Variants in INTS1 observed in about 807,000 individuals in gnomAD.
INTS1 encodes integrator complex subunit 1.
A neutral mutation model predicts 241.6 loss-of-function variants in INTS1; 137 were observed. The ratio of observed to expected loss-of-function variants is 0.57; its 90% CI spans 0.49 to 0.65. The LOEUF is 0.65. Ranked by LOEUF, INTS1 falls within the 30% of genes least tolerant of loss-of-function variation. INTS1 has a pLI of 0.00. For synonymous variants in INTS1, 1,692 were observed against 1,337.8 expected (o/e 1.26, Z -5.78); for missense variants, 3,073 against 3,032.2 (o/e 1.01, Z -0.32).
rs770235410 is a variant in INTS1 at position 1,480,334 on chromosome 7, C to T, written c.4057G>A (p.Ala1353Thr). 1 of 1,608,984 alleles carries T rather than the reference C, an allele frequency of 6.2e-7. No homozygotes were observed. Among genetic ancestry groups the T allele is most frequent in the South Asian group, 1.1e-5 (1 of 90,768 alleles). Residue 1353 changes from alanine (A) to threonine (T), a missense_variant, in exon 30 of 48, where the codon GCT (alanine) becomes ACT (threonine). Coordinates refer to ENST00000404767, the MANE Select transcript of INTS1 (RefSeq NM_001080453.3). ...AACGCTACCTGGAGGAACATGCCAG[C>T]CAGGTCGTCCTCAGGGCCCAGCACC... Reference protein sequence around the residue: ...LRVLGPEDDLAGMFLQIFPLS... With the variant: ...LRVLGPEDDLTGMFLQIFPLS...
At chr7:1,483,627 G>T in intron 26 of INTS1, 115 bp downstream of exon 26, 1 of 785,694 alleles carries the variant, frequency 1.3e-6, no homozygotes, top group Non-Finnish European at 2.2e-6. Flanking sequence ...AGGGTTGAAG[G>T]GCTGGGGGGC....
chr7:1,476,968 G>T (rs1273582816), intron 35 of INTS1, 50 bp from the exon 36 acceptor site: 1 of 1,573,234 alleles, frequency 6.4e-7, no homozygotes, highest in Admixed American at 1.8e-5. Context: ...CCAATGGCAG[G>T]CTCTGCTGAA....
At chr7:1,488,611 G>C (rs76801170) in intron 18 of INTS1, among the ~76,000 whole-genome samples, 1 of 151,910 alleles carries the variant, frequency 6.6e-6, no homozygotes, top group Admixed American at 6.6e-5. Context: ...AAACGTACCC[G>C]ATCCCAACGC....
At chr7:1,495,334 C>A in intron 13 of INTS1, 99 bp downstream of exon 13, 1 of 1,416,112 alleles carries the variant, frequency 7.1e-7, no homozygotes, top group Non-Finnish European at 9.5e-7. Context: ...CCTGGCTTGT[C>A]CTGGCTCAGT....
intron 18 of INTS1, among the ~76,000 whole-genome samples, chr7:1,488,873 C>T (rs971047465): frequency 6.6e-6 from 1 of 152,228 alleles, no homozygotes; most frequent in African/African-American, 2.4e-5. Context: ...GTCCCACCTG[C>T]ACTGAACTGT....
chr7:1,502,041 C>T (rs1204826439), intron 3 of INTS1, among the ~76,000 whole-genome samples: 2 of 152,172 alleles, frequency 1.3e-5, no homozygotes, highest in Non-Finnish European at 2.9e-5. Flanking sequence ...GCTTGCACTG[C>T]AGCAGCCTGG....
chr7:1,492,694 G>A (rs1177850803), intron 16 of INTS1, among the ~76,000 whole-genome samples: 1 of 152,226 alleles, frequency 6.6e-6, no homozygotes, highest in East Asian at 1.9e-4. Context: ...GAGACACCGG[G>A]GAAGACAACG....
Position 1,497,237 on chromosome 7 carries a change from C to T in INTS1, c.1503G>A (p.Glu501=). The change falls in exon 11 of 48, where the codon GAG becomes GAA. Residue 501 remains glutamate (E), a synonymous_variant. Coordinates refer to ENST00000404767, the MANE Select transcript of INTS1 (RefSeq NM_001080453.3). This position sits in a 1 kb window ranked among gnomAD's most constrained non-coding sequence, Gnocchi z 5.3. ...YLRASRALLR[E]IIKQTKHEIN... Reference sequence around the variant, plus strand: ...TCTCGTGCTTGGTCTGCTTGATGATCTCCCGCAGCAGGGCCCGCGAGGCCC... The same window carrying T: ...TCTCGTGCTTGGTCTGCTTGATGATTTCCCGCAGCAGGGCCCGCGAGGCCC... The T allele has an allele frequency of 1.2e-6, 2 of 1,613,408 alleles. No individual in the cohort carries two copies. The highest frequency in any genetic ancestry group is 2.2e-5 in the East Asian group (1 of 44,754).
rs369783261 is a variant in INTS1 at position 1,499,420 on chromosome 7, C to G, written c.844+53G>C. On this transcript the variant is annotated intron_variant, in intron 6 of 47. Transcript: ENST00000404767. ...CCCACCCGCCCATCCTCCCACCCCT[C>G]CCCTGCCCTGGGGCTTGGACACCCG... is the stretch of plus-strand genomic sequence containing the variant. The G allele has an allele frequency of 3.9e-6, 6 of 1,553,890 alleles. No individual in the cohort carries two copies. In the African/African-American group the frequency reaches 8.2e-5, roughly 21 times the overall value.
At chr7:1,502,855 G>C in intron 3 of INTS1, 46 bp downstream of exon 3, 1 of 1,601,412 alleles carries the variant, frequency 6.2e-7, no homozygotes, top group Non-Finnish European at 8.5e-7. Flanking sequence ...CTGATGGACG[G>C]CATGAGCTGA....
At position 1,493,920 on chromosome 7, in the gene INTS1, T is replaced by G. The variant is rs2251231; in HGVS notation, c.1911-9A>C. Reference sequence around the variant, plus strand: ...ACAGACGCAGGAAGAAGCTGCGGGGTGGGGGAGGCATGACTCGGTGTGGGC... The same window carrying G: ...ACAGACGCAGGAAGAAGCTGCGGGGGGGGGGAGGCATGACTCGGTGTGGGC... On this transcript the variant is annotated splice_polypyrimidine_tract_variant and intron_variant, in intron 14 of 47. Coordinates refer to ENST00000404767, the MANE Select transcript of INTS1 (RefSeq NM_001080453.3). This position sits in a 1 kb window ranked among gnomAD's most constrained non-coding sequence, Gnocchi z 5.3. 6.4e-7 allele frequency: 1 copy of G among 1,553,018 alleles called. No homozygotes were observed. The highest frequency in any genetic ancestry group is 1.4e-5 in the African/African-American group (1 of 73,210).
rs370255982 is a variant in INTS1 at position 1,478,885 on chromosome 7, G to A, written c.4330C>T (p.Arg1444Cys). ...PLLRQLCQYQRCVPQDTGFSS... is the reference protein window; with the variant it reads ...PLLRQLCQYQCCVPQDTGFSS... ...AAGCCGGTGTCCTGTGGCACACAGC[G>A]CTGCGGGGACAAAGTGGCACGTGGC... Residue 1444 changes from arginine to cysteine, a missense_variant and splice_region_variant, in exon 32 of 48, where the codon CGC becomes TGC. Coordinates refer to ENST00000404767, the MANE Select transcript of INTS1 (RefSeq NM_001080453.3). The A allele has an allele frequency of 1.5e-5, 24 of 1,598,086 alleles. No homozygotes were observed. The highest frequency in any genetic ancestry group is 1.2e-4 in the Admixed American group (7 of 59,614).
intron 5 of INTS1, 122 bp from the exon 6 acceptor site, chr7:1,499,754 G>A (rs1290537751): frequency 1.4e-6 from 2 of 1,466,916 alleles, no homozygotes; most frequent in Non-Finnish European, 1.8e-6. Flanking sequence ...GGGTGCAGCA[G>A]GGACCGTGCC....
Position 1,476,366 on chromosome 7 carries a change from G to C in INTS1, c.5241C>G (p.Ser1747Arg). The C allele has an allele frequency of 1.3e-6, 2 of 1,576,510 alleles. No homozygotes were observed. The highest frequency in any genetic ancestry group is 1.7e-6 in the Non-Finnish European group (2 of 1,165,220). The change falls in exon 38 of 48, where the codon AGC becomes AGG. Residue 1747 changes from serine (S) to arginine (R), a missense_variant. Physicochemically the swap from Ser to Arg is moderately radical, Grantham distance 110. Transcript: ENST00000404767. ...ELILAEAETR[S>R]QDGDTAACSL... is the part of the protein sequence containing the mutation. Reference sequence around the variant, plus strand: ...TGCAGGCGGCTGTGTCCCCGTCCTGGCTCCGCGTCTCCGCCTCGGCCAGGA... The same window carrying C: ...TGCAGGCGGCTGTGTCCCCGTCCTGCCTCCGCGTCTCCGCCTCGGCCAGGA...
Position 1,500,359 on chromosome 7 carries a change from G to C in INTS1, c.357C>G (p.Pro119=), listed in dbSNP as rs369209833. Residue 119 remains proline, a synonymous_variant, in exon 4 of 48, where the codon CCC becomes CCG. Transcript: ENST00000404767. The stretch of plus-strand genomic sequence containing the variant: ...CCTCGATCTCATCCAGCAGCACCGT[G>C]GGCAGCACTGGCCGGGGCAGGCGGT... The part of the protein sequence containing the change: ...EPSVVPIEVL[P]TVLLDEIEAA... The C allele has an allele frequency of 3.1e-5, 48 of 1,571,956 alleles. No homozygotes were observed. The highest frequency in any genetic ancestry group is 3.5e-5 in the Non-Finnish European group (41 of 1,157,034).
At chr7:1,502,200 T>C (rs1009843610) in intron 3 of INTS1, among the ~76,000 whole-genome samples, 9 of 151,852 alleles carry the variant, frequency 5.9e-5, no homozygotes, top group African/African-American at 1.9e-4. Flanking sequence ...ACAAAGAAAT[T>C]ACCCAAAAGA....
intron 2 of INTS1, 112 bp downstream of exon 2, chr7:1,503,791 C>A (rs1783320557): frequency 2.6e-6 from 2 of 755,116 alleles, no homozygotes; most frequent in African/African-American, 3.7e-5. Context: ...TGGAAACAGC[C>A]GCGGCTGCGG....
intron 25 of INTS1, 36 bp downstream of exon 25, chr7:1,483,967 T>A (rs780682265): frequency 6.3e-7 from 1 of 1,595,060 alleles, no homozygotes; most frequent in South Asian, 1.1e-5. Context: ...GTAGACCTCC[T>A]CGCCCTCACC....
At position 1,485,430 on chromosome 7, in the gene INTS1, C is replaced by T. The variant is rs767694400; in HGVS notation, c.3016G>A (p.Gly1006Arg). 20 of 1,612,666 alleles carry T rather than the reference C, an allele frequency of 1.2e-5. No individual in the cohort carries two copies. The highest frequency in any genetic ancestry group is 1.7e-5 in the Admixed American group (1 of 59,998). ...LVLSEGSLRDGEEKEPPMEED... is the reference protein window; with the variant it reads ...LVLSEGSLRDREEKEPPMEED... ...TCCATGGGGGGCTCCTTCTCCTCCC[C>T]GTCCCGCAGGCTGCCCTCCGAAAGC... The change falls in exon 23 of 48, where the codon GGG becomes AGG. Residue 1006 changes from glycine to arginine, a missense_variant. By Grantham distance (125) the Gly-to-Arg change is moderately radical. Transcript: ENST00000404767.
Sources: allele counts gnomAD v4.1 joint callset (sites outside exome capture counted in the v4.1 genomes callset), GRCh38; gene constraint gnomAD v4.1.1; non-coding constraint Gnocchi (gnomAD v3.1); transcripts MANE v1.5; gene names NCBI Gene and HGNC (gene_info 2026-07-23, HGNC 2026-07-21).